CLEC18C: variants seen among roughly 807,000 people sequenced by gnomAD.
CLEC18C encodes mannose receptor-like 3.
CLEC18C carries 2 observed loss-of-function variants against 27.2 expected under a neutral mutation model. The ratio of observed to expected loss-of-function variants is 0.07; its 90% CI spans 0.03 to 0.23. The LOEUF is 0.23. Among genes scored for constraint, CLEC18C ranks in the 10% least tolerant of loss-of-function variants. The pLI is 1.00. For missense variants in CLEC18C, 31 were observed against 269.0 expected, an observed-to-expected ratio of 0.12 and a Z score of 6.19; for synonymous variants, 13 against 112.8, an observed-to-expected ratio of 0.12 and a Z score of 5.61.
At chr16:70,179,329 G>A (rs113441654) in intron 4 of CLEC18C, among the ~76,000 whole-genome samples, 3 of 126,160 alleles carry the variant, frequency 2.4e-5, no homozygotes, top group Non-Finnish European at 3.4e-5. Context: ...GCGCGATCTC[G>A]GCTCACTGCA....
At position 70,185,884 on chromosome 16, in the gene CLEC18C, G is replaced by A; in HGVS notation, c.1212-1G>A. On this transcript the variant is annotated splice_acceptor_variant, in intron 11 of 12. Transcript: ENST00000541793. LOFTEE classifies it high-confidence loss of function. Reference sequence around the variant, plus strand: ...CCTGACCACCACACCATGGCCTGCAGGTTTGGCAACTGCGTGGAGCTGCAG... The same window carrying A: ...CCTGACCACCACACCATGGCCTGCAAGTTTGGCAACTGCGTGGAGCTGCAG... The A allele has an allele frequency of 1.3e-6, 2 of 1,580,238 alleles. No individual in the cohort carries two copies. The highest frequency in any genetic ancestry group is 1.7e-6 in the Non-Finnish European group (2 of 1,174,988).
rs542542494 is a variant in CLEC18C at position 70,186,556 on chromosome 16, G to A, written c.*36G>A. The A allele has an allele frequency of 1.6e-4, 224 of 1,368,474 alleles. 19 individuals carry two copies. The South Asian group carries it at 2.1e-3, about 13-fold the overall frequency. 84.8% of individuals were successfully genotyped at this position (1,368,474 alleles called of 1,614,324 possible). A position where few individuals can be genotyped will look rare whatever the true frequency, so the allele number is the denominator to read the frequency against. ...CATGGCTCCCTCGCCTGCCCTGGGA[G>A]CACCGGCTCTGCTTACCTGTCCGCC... On this transcript the variant is annotated 3_prime_UTR_variant, in exon 13 of 13. Coordinates refer to ENST00000541793, the MANE Select transcript of CLEC18C (RefSeq NM_173619.4).
At chr16:70,176,521 A>T (rs1968292154) in intron 3 of CLEC18C, among the ~76,000 whole-genome samples, 1 of 151,188 alleles carries the variant, frequency 6.6e-6, no homozygotes, top group Non-Finnish European at 1.5e-5. Context: ...TAAGGTCAGC[A>T]GTTTGAGACC....
At chr16:70,175,695 A>G (rs1164769843) in intron 3 of CLEC18C, among the ~76,000 whole-genome samples, 1 of 100,666 alleles carries the variant, frequency 9.9e-6, no homozygotes. Flanking sequence ...CCAGGGAGCC[A>G]GGGCAGGGTG....
In CLEC18C at chr16:70,186,717, A is replaced by T. The variant is rs1968477606; in HGVS notation, c.*197A>T. The stretch of plus-strand genomic sequence containing the variant: ...GGGCCAGGGAGTGAGTGTTAGAAGA[A>T]GCTGGGGCCCTTCGCCTGCTTTTGA... On this transcript the variant is annotated 3_prime_UTR_variant, in exon 13 of 13. Coordinates refer to ENST00000541793, the MANE Select transcript of CLEC18C (RefSeq NM_173619.4). 2.4e-6 allele frequency: 1 copy of T among 423,062 alleles called. No individual in the cohort carries two copies. Among genetic ancestry groups the T allele is most frequent in the Admixed American group, 3.9e-5 (1 of 25,730 alleles). The allele number at this position is 423,062 out of a possible 1,614,324, so 26.2% of individuals were successfully genotyped here.
rs1475913458 is a variant in CLEC18C at position 70,177,621 on chromosome 16, TG to T, written c.456+142del. Reference sequence around the variant, plus strand: ...GGTTTAGTTTTACTTTTTTTTTTTTTGATACGGAGTCTTGCTGTGTTGCGCA... The same window carrying T: ...GGTTTAGTTTTACTTTTTTTTTTTTTATACGGAGTCTTGCTGTGTTGCGCA... On this transcript the variant is annotated intron_variant, in intron 4 of 12. Transcript: ENST00000541793. The T allele has an allele frequency of 6.1e-4, 620 of 1,015,474 alleles. 3 individuals are homozygous for T. The highest frequency in any genetic ancestry group is 2.0e-3 in the Middle Eastern group (6 of 3,008). 62.9% of individuals were successfully genotyped at this position (1,015,474 alleles called of 1,614,324 possible). A position where few individuals can be genotyped will look rare whatever the true frequency, so the allele number is the denominator to read the frequency against.
rs1968173923 is a variant in CLEC18C at position 70,173,815 on chromosome 16, T to C, written c.-243T>C. On this transcript the variant is annotated 5_prime_UTR_variant, in exon 1 of 13. Transcript: ENST00000541793. ...CAGTTTCTGCTCACCAGAAGGACCA[T>C]AGCCGAGGTCCTCCTCCCAGGGCCC... 2 of 178,276 alleles carry C rather than the reference T, an allele frequency of 1.1e-5. No individual in the cohort carries two copies. The highest frequency in any genetic ancestry group is 1.0e-4 in the South Asian group (1 of 10,006). 11.0% of individuals were successfully genotyped at this position (178,276 alleles called of 1,614,324 possible). A position where few individuals can be genotyped will look rare whatever the true frequency, so the allele number is the denominator to read the frequency against.
rs1968457551 is a variant in CLEC18C at position 70,185,917 on chromosome 16, C to G, written c.1244C>G (p.Ala415Gly). The G allele has an allele frequency of 6.3e-7, 1 of 1,591,172 alleles. No homozygotes were observed. Among genetic ancestry groups the G allele is most frequent in the Admixed American group, 1.7e-5 (1 of 59,250 alleles). ...AACTGCGTGGAGCTGCAGGCTTCAGCTGCCTTCAACTGGAACAACCAGCGC... is the reference window on the plus strand; with the variant it reads ...AACTGCGTGGAGCTGCAGGCTTCAGGTGCCTTCAACTGGAACAACCAGCGC... ...FGNCVELQASAAFNWNNQRCK... is the reference protein window; with the variant it reads ...FGNCVELQASGAFNWNNQRCK... The change falls in exon 12 of 13, where the codon GCT (alanine) becomes GGT (glycine). Residue 415 changes from alanine (A) to glycine (G), a missense_variant. By Grantham distance (60) the Ala-to-Gly change is moderately conservative. Coordinates refer to ENST00000541793, the MANE Select transcript of CLEC18C (RefSeq NM_173619.4).
At chr16:70,176,550 G>A (rs1968293182) in intron 3 of CLEC18C, among the ~76,000 whole-genome samples, 1 of 151,280 alleles carries the variant, frequency 6.6e-6, no homozygotes, top group South Asian at 2.1e-4. Context: ...CCAACATGGT[G>A]AAACCCCGTC....
rs756194500 is a variant in CLEC18C at position 70,177,502 on chromosome 16, C to A, written c.456+22C>A. 16 of 1,537,412 alleles carry A rather than the reference C, an allele frequency of 1.0e-5. 2 individuals are homozygous for A. The East Asian group carries it at 3.4e-4, about 33-fold the overall frequency. ...GCAGGTGAGTGTGCTGCAGGTGAGGCCAGCGTGCCAGCTCCCAGATACAGA... is the reference window on the plus strand; with the variant it reads ...GCAGGTGAGTGTGCTGCAGGTGAGGACAGCGTGCCAGCTCCCAGATACAGA... On this transcript the variant is annotated intron_variant, in intron 4 of 12. Coordinates refer to ENST00000541793, the MANE Select transcript of CLEC18C (RefSeq NM_173619.4).
At chr16:70,175,555 C>T (rs1360289519) in intron 3 of CLEC18C, among the ~76,000 whole-genome samples, 2 of 132,086 alleles carry the variant, frequency 1.5e-5, no homozygotes, top group Non-Finnish European at 3.1e-5. Flanking sequence ...TCAGCAGGGG[C>T]CGGGGGTCGG....
chr16:70,186,226 CA>C (rs1968465837), intron 12 of CLEC18C, among the ~76,000 whole-genome samples: 1 of 148,370 alleles, frequency 6.7e-6, no homozygotes, highest in African/African-American at 2.6e-5. Context: ...GGGATTTCTC[CA>C]AGGACCCTCT....
At chr16:70,178,056 G>A (rs1266703583) in intron 4 of CLEC18C, among the ~76,000 whole-genome samples, 27 of 39,362 alleles carry the variant, frequency 6.9e-4, no homozygotes, top group African/African-American at 1.0e-3. Context: ...ACAGGTGTGC[G>A]CCTCTACACC....
intron 4 of CLEC18C, among the ~76,000 whole-genome samples, chr16:70,180,391 T>C (rs1234625118): frequency 3.9e-4 from 34 of 87,780 alleles, no homozygotes; most frequent in South Asian, 7.8e-4. Flanking sequence ...GATTTTGAAG[T>C]GTATCTTTAA....
At chr16:70,179,839 G>A (rs1185264798) in intron 4 of CLEC18C, among the ~76,000 whole-genome samples, 16 of 143,880 alleles carry the variant, frequency 1.1e-4, no homozygotes, top group South Asian at 2.1e-4. Context: ...TACTCCTGAC[G>A]TCAGGTAATC....
At chr16:70,175,454 A>C in intron 3 of CLEC18C, among the ~76,000 whole-genome samples, 1 of 128,946 alleles carries the variant, frequency 7.8e-6, no homozygotes, top group Non-Finnish European at 1.6e-5. Context: ...TGCGGCAAGG[A>C]CCCAGCGCCT....
intron 1 of CLEC18C, 50 bp downstream of exon 1, chr16:70,174,001 G>A: frequency 2.1e-6 from 1 of 467,254 alleles, no homozygotes; most frequent in South Asian, 2.1e-5. Context: ...TGATTAGCAG[G>A]GGCCGCGGGT....
intron 12 of CLEC18C, 95 bp downstream of exon 12, chr16:70,186,071 C>T: frequency 2.1e-6 from 3 of 1,403,756 alleles, no homozygotes; most frequent in Non-Finnish European, 2.9e-6. Context: ...GTGGCAGGTT[C>T]AGAGTGGGTC....
Position 70,176,369 on chromosome 16 carries a change from C to T in CLEC18C, c.217-872C>T, listed in dbSNP as rs1200303256. Among the ~76,000 whole-genome samples, 2 of 145,960 alleles carry T rather than the reference C, an allele frequency of 1.4e-5. 1 individual carries two copies. Among genetic ancestry groups the T allele is most frequent in the South Asian group, 4.3e-4 (2 of 4,612 alleles). Reference sequence around the variant, plus strand: ...CCGTTTACAGATGAGCTCAGGGAGTCTCGGGAGATCAGGGGACTGCACCAA... The same window carrying T: ...CCGTTTACAGATGAGCTCAGGGAGTTTCGGGAGATCAGGGGACTGCACCAA... On this transcript the variant is annotated intron_variant, in intron 3 of 12. Transcript: ENST00000541793.
Sources: allele counts gnomAD v4.1 joint callset (sites outside exome capture counted in the v4.1 genomes callset), GRCh38; gene constraint gnomAD v4.1.1; transcripts MANE v1.5; gene names NCBI Gene and HGNC (gene_info 2026-07-23, HGNC 2026-07-21).